Variants in SHPK observed in about 807,000 individuals in gnomAD.
SHPK encodes sedoheptulokinase, also known as carbohydrate kinase-like protein.
A neutral mutation model predicts 46.3 loss-of-function variants in SHPK; 51 were observed. The observed-to-expected ratio is 1.10, with a 90% CI of 0.88 to 1.39. SHPK has a LOEUF of 1.39. SHPK is among the 40% of genes most tolerant of loss of function. The probability of loss-of-function intolerance (pLI) is 0.00; values close to 1 mark genes in which losing one functional copy is unlikely to be tolerated. For missense variants in SHPK, 668 were observed against 641.3 expected, an observed-to-expected ratio of 1.04 and a Z score of -0.45; for synonymous variants, 290 against 273.9, an observed-to-expected ratio of 1.06 and a Z score of -0.58.
intron 1 of SHPK, among the ~76,000 whole-genome samples, chr17:3,631,351 G>T (rs765112840): frequency 2.0e-5 from 3 of 151,614 alleles, no homozygotes; most frequent in African/African-American, 7.3e-5. Flanking sequence ...GGGGTGGGGG[G>T]CAGGAAGAAG....
Position 3,608,329 on chromosome 17 carries a change from C to T in SHPK, c.*2231G>A, listed in dbSNP as rs2075312585. Reference sequence around the variant, plus strand: ...CCCATCTTTTCACTTAAAGGAAGCACCTTACGGTTTCTCTTTGGCATATCC... The same window carrying T: ...CCCATCTTTTCACTTAAAGGAAGCATCTTACGGTTTCTCTTTGGCATATCC... On this transcript the variant is annotated 3_prime_UTR_variant, in exon 7 of 7. Coordinates refer to ENST00000225519, the MANE Select transcript of SHPK (RefSeq NM_013276.4). 1 of 151,988 alleles carries T rather than the reference C, an allele frequency of 6.6e-6. No individual in the cohort carries two copies. Among genetic ancestry groups the T allele is most frequent in the South Asian group, 2.1e-4 (1 of 4,814 alleles). 9.4% of individuals were successfully genotyped at this position (151,988 alleles called of 1,614,324 possible). A position where few individuals can be genotyped will look rare whatever the true frequency, so the allele number is the denominator to read the frequency against.
intron 5 of SHPK, among the ~76,000 whole-genome samples, chr17:3,617,142 G>T (rs1244747721): frequency 6.6e-6 from 1 of 152,266 alleles, no homozygotes; most frequent in Non-Finnish European, 1.5e-5. Flanking sequence ...AAAGTGCTGG[G>T]ATTACAGGTG....
rs762885215 is a variant in SHPK at position 3,636,051 on chromosome 17, C to A, written c.168+1G>T. 1.3e-6 allele frequency: 2 copies of A among 1,554,964 alleles called. No homozygotes were observed. The highest frequency in any genetic ancestry group is 4.8e-5 in the East Asian group (2 of 41,616). ...GGCGCGGCCCCGGGGGTCCAACTCA[C>A]CTGGGGCCCGGCCACCGCGCTCTCG... is the stretch of plus-strand genomic sequence containing the variant. On this transcript the variant is annotated splice_donor_variant, in intron 1 of 6. Transcript: ENST00000225519. LOFTEE classifies it high-confidence loss of function.
At chr17:3,632,129 G>C (rs537315477) in intron 1 of SHPK, among the ~76,000 whole-genome samples, 13 of 151,886 alleles carry the variant, frequency 8.6e-5, no homozygotes, top group African/African-American at 2.7e-4. Flanking sequence ...GCTAATTTTT[G>C]TATTTTTAGT....
At chr17:3,622,641 G>A in intron 4 of SHPK, 2 of 964,976 alleles carry the variant, frequency 2.1e-6, no homozygotes, top group Non-Finnish European at 2.5e-6. Context: ...ACCTGAAAAG[G>A]CAAATGATTG....
chr17:3,613,867 A>C (rs2075356931), intron 6 of SHPK, among the ~76,000 whole-genome samples: 1 of 152,048 alleles, frequency 6.6e-6, no homozygotes, highest in South Asian at 2.1e-4. Context: ...GCGCCAAAAA[A>C]GGTTGGAAGG....
At chr17:3,611,682 C>T (rs2075340876) in intron 6 of SHPK, among the ~76,000 whole-genome samples, 1 of 152,092 alleles carries the variant, frequency 6.6e-6, no homozygotes, top group African/African-American at 2.4e-5. Context: ...GTTATGTGCA[C>T]AGGGCACCTG....
Position 3,611,616 on chromosome 17 carries a change from G to A in SHPK, c.1025-644C>T, listed in dbSNP as rs957631186. On this transcript the variant is annotated intron_variant, in intron 6 of 6. Transcript: ENST00000225519. ...TATCATCATGGATGTCATTGGGGTC[G>A]TTAGCAGCATCAGAAATCCCAGGAT... Among the ~76,000 whole-genome samples the A allele has an allele frequency of 1.1e-4, 16 of 152,102 alleles. 2 individuals carry two copies. The highest frequency in any genetic ancestry group is 3.9e-4 in the East Asian group (2 of 5,178).
In SHPK at chr17:3,621,407, C is replaced by T. The variant is rs2075400499; in HGVS notation, c.653G>A (p.Arg218Lys). The T allele has an allele frequency of 6.2e-7, 1 of 1,613,692 alleles. No homozygotes were observed. The highest frequency in any genetic ancestry group is 8.5e-7 in the Non-Finnish European group (1 of 1,179,768). ...QSQSWNVETL[R>K]SSGFPVHLLP... Reference sequence around the variant, plus strand: ...CAGGTGGACAGGAAAACCCGAGCTCCTCAGTCTGTAAAACAGAAGTGGACA... The same window carrying T: ...CAGGTGGACAGGAAAACCCGAGCTCTTCAGTCTGTAAAACAGAAGTGGACA... The change falls in exon 5 of 7, where the codon AGG becomes AAG. Residue 218 changes from arginine (R) to lysine (K), a missense_variant. By Grantham distance (26) the Arg-to-Lys change is conservative. Transcript: ENST00000225519.
chr17:3,617,922 T>A (rs1365659139), intron 5 of SHPK, among the ~76,000 whole-genome samples: 1 of 152,216 alleles, frequency 6.6e-6, no homozygotes, highest in Admixed American at 6.5e-5. Context: ...AATCTTGAGC[T>A]CAGAGCAATA....
intron 5 of SHPK, among the ~76,000 whole-genome samples, chr17:3,616,803 A>C (rs2075373474): frequency 6.6e-6 from 1 of 152,160 alleles, no homozygotes; most frequent in South Asian, 2.1e-4. Context: ...CAATGGCGCG[A>C]TCTTCGCTCA....
chr17:3,634,862 T>C (rs2075498369), intron 1 of SHPK, among the ~76,000 whole-genome samples: 1 of 152,072 alleles, frequency 6.6e-6, no homozygotes, highest in Non-Finnish European at 1.5e-5. Flanking sequence ...TCCATGTATG[T>C]GGCAAGAGCT....
At chr17:3,611,006 T>G (rs982693652) in intron 6 of SHPK, 34 bp from the exon 7 acceptor site, 13 of 1,563,718 alleles carry the variant, frequency 8.3e-6, no homozygotes, top group Admixed American at 6.9e-5. Context: ...TGTAAGCTCA[T>G]GCGTCCCCCT....
At chr17:3,620,450 TACAGATGGGGTTTC>T (rs2150870023) in intron 5 of SHPK, among the ~76,000 whole-genome samples, 1 of 151,726 alleles carries the variant, frequency 6.6e-6, no homozygotes, top group East Asian at 1.9e-4. Context: ...TTTTTTTTAA[TACAGATGGGGTTTC>T]ACCGTGTTAG....
intron 1 of SHPK, among the ~76,000 whole-genome samples, chr17:3,631,133 G>C (rs1202044885): frequency 6.6e-6 from 1 of 152,068 alleles, no homozygotes; most frequent in African/African-American, 2.4e-5. Context: ...ACAAAGAAGA[G>C]AAAGAAGGGA....
At chr17:3,627,461 T>C (rs1255935755) in intron 2 of SHPK, among the ~76,000 whole-genome samples, 2 of 152,122 alleles carry the variant, frequency 1.3e-5, no homozygotes, top group African/African-American at 2.4e-5. Flanking sequence ...CCTTCATTTC[T>C]ATCTCTCCCC....
chr17:3,618,648 C>T lies in SHPK; in HGVS notation c.823+2589G>A, dbSNP rs1318658931. Among the ~76,000 whole-genome samples, 9 of 152,078 alleles carry T rather than the reference C, an allele frequency of 5.9e-5. No individual in the cohort carries two copies. In the East Asian group the frequency reaches 7.8e-4, roughly 13 times the overall value. On this transcript the variant is annotated intron_variant, in intron 5 of 6. Coordinates refer to ENST00000225519, the MANE Select transcript of SHPK (RefSeq NM_013276.4). ...TACAAAAATTAGCTGGGTGTGGTGG[C>T]GTGCGCCTGTAGTCTCAGCTACTTG...
intron 6 of SHPK, among the ~76,000 whole-genome samples, chr17:3,613,513 C>T (rs1376441181): frequency 2.6e-5 from 4 of 152,084 alleles, no homozygotes; most frequent in Non-Finnish European, 5.9e-5. Flanking sequence ...GAATTACAAG[C>T]GTGTGCCACC....
chr17:3,632,971 CTTTTTTTTTTTT>C lies in SHPK; in HGVS notation c.169-2637_169-2626del, dbSNP rs34873037. Among the ~76,000 whole-genome samples, 17 of 81,726 alleles carry C rather than the reference CTTTTTTTTTTTT, an allele frequency of 2.1e-4. No homozygotes were observed. The Admixed American group carries it at 2.6e-3, about 12-fold the overall frequency. The allele number at this position is 81,726 out of a possible 152,430, so 53.6% of individuals were successfully genotyped here. ...GAAAGAACACAGCCAGCAGATATTACTTTTTTTTTTTTTTTTTTTTTTTTGGAGACAGAGTCT... is the reference window on the plus strand; with the variant it reads ...GAAAGAACACAGCCAGCAGATATTACTTTTTTTTTTTTGGAGACAGAGTCT... On this transcript the variant is annotated intron_variant, in intron 1 of 6. Coordinates refer to ENST00000225519, the MANE Select transcript of SHPK (RefSeq NM_013276.4).
Sources: allele counts gnomAD v4.1 joint callset (sites outside exome capture counted in the v4.1 genomes callset), GRCh38; gene constraint gnomAD v4.1.1; transcripts MANE v1.5; gene names NCBI Gene and HGNC (gene_info 2026-07-23, HGNC 2026-07-21).